Variants in TOX2 observed in about 807,000 individuals in gnomAD.
The protein encoded by TOX2 is granulosa cell HMG box 1.
TOX2 carries 15 observed loss-of-function variants against 47.4 expected under a neutral mutation model. That is an observed-to-expected ratio of 0.32 (90% CI 0.21 to 0.49). TOX2 has a LOEUF of 0.49. Among genes scored for constraint, TOX2 ranks in the 20% least tolerant of loss-of-function variants. The pLI, the probability that TOX2 is intolerant of heterozygous loss-of-function variation, is 0.99. For synonymous variants in TOX2, 290 were observed against 296.6 expected (o/e 0.98, Z 0.23); for missense variants, 622 against 673.1 (o/e 0.92, Z 0.84).
At chr20:44,038,857 G>T in intron 3 of TOX2, 1 of 905,476 alleles carries the variant, frequency 1.1e-6, no homozygotes, top group South Asian at 2.1e-5. Context: ...TGGGGAATTT[G>T]TGAAAAACGC....
chr20:43,918,663 C>T (rs57866815), intron 1 of TOX2, among the ~76,000 whole-genome samples: 5,173 of 152,198 alleles, frequency 0.034, 299 homozygotes, highest in African/African-American at 0.12. Context: ...TGTATATATC[C>T]ATAGTTTGTT....
intron 1 of TOX2, among the ~76,000 whole-genome samples, chr20:43,949,519 C>A (rs374161192): frequency 6.6e-6 from 1 of 152,202 alleles, no homozygotes; most frequent in East Asian, 1.9e-4. Context: ...AGCTGGGCAC[C>A]TGTCTGATCT....
At position 43,973,372 on chromosome 20, in the gene TOX2, T is replaced by G; in HGVS notation, c.105T>G (p.Asp35Glu). ...HLDYYHGGKFDGDSAYVGMSD... is the reference protein window; with the variant it reads ...HLDYYHGGKFEGDSAYVGMSD... Reference sequence around the variant, plus strand: ...TCCCTCTCTCTCTATTCTAGTTTGATGGTGACAGTGCCTACGTGGGGATGA... The same window carrying G: ...TCCCTCTCTCTCTATTCTAGTTTGAGGGTGACAGTGCCTACGTGGGGATGA... Residue 35 changes from aspartate (D) to glutamate (E), a missense_variant, in exon 2 of 9, where the codon GAT becomes GAG. Asp to Glu is a conservative substitution (Grantham distance 45). Around this residue, in one of 3 missense-constraint regions of TOX2, gnomAD observed 307 missense variants for 327.3 expected, o/e 0.94. Coordinates refer to ENST00000341197, the MANE Select transcript of TOX2 (RefSeq NM_001098797.2). 1 of 1,614,142 alleles carries G rather than the reference T, an allele frequency of 6.2e-7. No homozygotes were observed. Among genetic ancestry groups the G allele is most frequent in the South Asian group, 1.1e-5 (1 of 91,074 alleles).
intron 1 of TOX2, among the ~76,000 whole-genome samples, chr20:43,923,316 T>C (rs562477314): frequency 6.6e-6 from 1 of 151,356 alleles, no homozygotes; most frequent in African/African-American, 2.4e-5. Flanking sequence ...GACTGTCTCT[T>C]GGTCTTCTGC....
chr20:44,029,235 T>C (rs1466219519), intron 3 of TOX2, among the ~76,000 whole-genome samples: 2 of 152,206 alleles, frequency 1.3e-5, no homozygotes, highest in Non-Finnish European at 2.9e-5. Flanking sequence ...TTCACAAAGA[T>C]ACAGAAAGAT....
chr20:43,946,838 C>G (rs977721252), intron 1 of TOX2, among the ~76,000 whole-genome samples: 1 of 152,146 alleles, frequency 6.6e-6, no homozygotes, highest in African/African-American at 2.4e-5. Context: ...GGGCTTGTTG[C>G]TGTTGATGGT....
intron 1 of TOX2, among the ~76,000 whole-genome samples, chr20:43,971,647 A>T (rs2069970421): frequency 6.6e-6 from 1 of 152,242 alleles, no homozygotes; most frequent in Non-Finnish European, 1.5e-5. Context: ...GATGCACAAA[A>T]ATATTTATGG....
chr20:44,050,454 A>G (rs950371115), intron 3 of TOX2, among the ~76,000 whole-genome samples: 3 of 152,246 alleles, frequency 2.0e-5, no homozygotes, highest in African/African-American at 7.2e-5. Flanking sequence ...GGGCAAATAA[A>G]TAACCACAGA....
At chr20:44,064,445 A>G (rs2071774095) in intron 5 of TOX2, among the ~76,000 whole-genome samples, 1 of 152,240 alleles carries the variant, frequency 6.6e-6, no homozygotes, top group South Asian at 2.1e-4. Context: ...CGGCATTAAG[A>G]AATCTGCACT....
intron 1 of TOX2, among the ~76,000 whole-genome samples, chr20:43,919,806 G>A (rs1353273597): frequency 6.6e-6 from 1 of 152,172 alleles, no homozygotes; most frequent in African/African-American, 2.4e-5. Context: ...AATTTGCTGA[G>A]GATAATGGCT....
rs1312412940 is a variant in TOX2 at position 43,940,524 on chromosome 20, A to AC, written c.99+25535dup. Among the ~76,000 whole-genome samples, 4 of 141,794 alleles carry AC rather than the reference A, an allele frequency of 2.8e-5. No homozygotes were observed. In the South Asian group the frequency reaches 8.7e-4, roughly 31 times the overall value. 93.0% of individuals were successfully genotyped at this position (141,794 alleles called of 152,430 possible). ...CAGGTGTGAGCAATCGCACCTGGCA[A>AC]CTTTTTTTTTTTCCCCCAGGAAAAC... On this transcript the variant is annotated intron_variant, in intron 1 of 8. Coordinates refer to ENST00000341197, the MANE Select transcript of TOX2 (RefSeq NM_001098797.2).
At chr20:44,057,261 TTC>T (rs1191535531) in intron 5 of TOX2, among the ~76,000 whole-genome samples, 7 of 152,188 alleles carry the variant, frequency 4.6e-5, no homozygotes, top group Admixed American at 4.6e-4. Context: ...AGATTTCTAA[TTC>T]TGTTTTCTTT....
At chr20:43,989,740 A>G (rs181555821) in intron 2 of TOX2, among the ~76,000 whole-genome samples, 3 of 151,644 alleles carry the variant, frequency 2.0e-5, no homozygotes, top group Admixed American at 6.6e-5. Flanking sequence ...AGATCACGCC[A>G]CTGAACTCCA....
At chr20:44,035,163 A>G (rs1051654606) in intron 3 of TOX2, among the ~76,000 whole-genome samples, 3 of 152,180 alleles carry the variant, frequency 2.0e-5, no homozygotes, top group African/African-American at 7.2e-5. Flanking sequence ...TGCCTCATCC[A>G]TGTGCAGCCA....
chr20:43,959,009 C>G lies in TOX2; in HGVS notation c.100-14358C>G, dbSNP rs564903272. On this transcript the variant is annotated intron_variant, in intron 1 of 8. Coordinates refer to ENST00000341197, the MANE Select transcript of TOX2 (RefSeq NM_001098797.2). ...AGAGAAAAGGCCTCTTAGGACAGAG[C>G]CCCCCACTGCCCTCCTGGGTCTCCA... Among the ~76,000 whole-genome samples the G allele has an allele frequency of 2.0e-5, 3 of 152,340 alleles. No homozygotes were observed. In the East Asian group the frequency reaches 5.8e-4, roughly 29 times the overall value.
intron 1 of TOX2, chr20:43,955,350 C>T: frequency 1.0e-6 from 1 of 967,210 alleles, no homozygotes; most frequent in Non-Finnish European, 1.2e-6. Context: ...GAGCCTGAAA[C>T]CCGTTGTTTC....
intron 3 of TOX2, among the ~76,000 whole-genome samples, chr20:44,012,050 T>C (rs188016858): frequency 3.3e-5 from 5 of 152,380 alleles, no homozygotes; most frequent in Non-Finnish European, 5.9e-5. Flanking sequence ...AAGATATATT[T>C]TGCCGGTTTA....
intron 3 of TOX2, among the ~76,000 whole-genome samples, chr20:44,048,414 G>GATATATATATATATATATATA (rs2071452436): frequency 8.4e-6 from 1 of 118,374 alleles, no homozygotes; most frequent in African/African-American, 3.3e-5. Flanking sequence ...ATATATATAT[G>GATATATATATATATATATATA]TATAATTTAC....
chr20:43,950,769 A>G (rs541917164), intron 1 of TOX2, among the ~76,000 whole-genome samples: 2 of 151,972 alleles, frequency 1.3e-5, no homozygotes, highest in East Asian at 3.9e-4. Flanking sequence ...TCCATATACC[A>G]TGTAAGTCAC....
Sources: gnomAD v4.1 joint callset for allele counts (sites outside exome capture counted in the v4.1 genomes callset) on GRCh38, gnomAD v4.1.1 for gene constraint, gnomAD v4.1.1 regional missense constraint, MANE v1.5 for transcripts, NCBI Gene and HGNC (gene_info 2026-07-23, HGNC 2026-07-21) for gene names.